The following SUGP1 variants were observed in gnomAD, a reference collection of about 807,000 sequenced individuals.
SUGP1 encodes SURP and G-patch domain containing 1, also known as SURP and G-patch domain-containing protein 1.
A neutral mutation model predicts 76.5 loss-of-function variants in SUGP1; 34 were observed. The ratio of observed to expected loss-of-function variants is 0.44; its 90% confidence interval spans 0.34 to 0.59. SUGP1 has a LOEUF of 0.59. Among genes scored for constraint, SUGP1 ranks in the 20% least tolerant of loss-of-function variants. The pLI is 0.01. For synonymous variants in SUGP1, 326 were observed against 326.2 expected (o/e 1.00, Z 0.01); for missense variants, 752 against 851.7 (o/e 0.88, Z 1.46).
intron 12 of SUGP1, among the ~76,000 whole-genome samples, 175 bp from the exon 13 acceptor site, chr19:19,277,251 CG>C (rs3214183): frequency 0.011 from 1,073 of 96,700 alleles, 2 homozygotes; most frequent in Middle Eastern, 0.018. Flanking sequence ...CCGGGGCGGG[CG>C]GGGGGGGGGG....
intron 12 of SUGP1, 46 bp from the exon 13 acceptor site, chr19:19,277,122 TGGCCGGGG>T (rs1334547336): frequency 6.3e-7 from 1 of 1,577,422 alleles, no homozygotes; most frequent in South Asian, 1.1e-5. Context: ...GCCAGAACTC[TGGCCGGGG>T]GGCCGGGCAC....
At chr19:19,286,904 G>T (rs554048191) in intron 8 of SUGP1, among the ~76,000 whole-genome samples, 7 of 151,892 alleles carry the variant, frequency 4.6e-5, no homozygotes, top group Non-Finnish European at 7.4e-5. Context: ...CTAGCTGGCC[G>T]TGGTGGCACA....
intron 1 of SUGP1, among the ~76,000 whole-genome samples, chr19:19,317,567 G>A (rs909174629): frequency 6.6e-6 from 1 of 152,138 alleles, no homozygotes; most frequent in East Asian, 1.9e-4. Context: ...TCTCAGGCTG[G>A]AGTGCAGTGG....
chr19:19,289,485 C>T (rs1187860427), intron 8 of SUGP1, among the ~76,000 whole-genome samples: 1 of 152,072 alleles, frequency 6.6e-6, no homozygotes, highest in African/African-American at 2.4e-5. Context: ...TGGTGGCTCA[C>T]GCCTGTAATC....
At chr19:19,304,961 GCAGA>G (rs1236777627) in intron 4 of SUGP1, among the ~76,000 whole-genome samples, 5 of 152,184 alleles carry the variant, frequency 3.3e-5, no homozygotes, top group African/African-American at 1.2e-4. Context: ...CTGAGGCCAT[GCAGA>G]CAGTGGGTCA....
At chr19:19,313,465 C>T (rs745850498) in intron 2 of SUGP1, among the ~76,000 whole-genome samples, 21 of 152,112 alleles carry the variant, frequency 1.4e-4, no homozygotes, top group Non-Finnish European at 1.9e-4. Flanking sequence ...AAACCTAATG[C>T]TTTGGGAGGC....
chr19:19,281,550 C>A (rs376070818), intron 8 of SUGP1: 13 of 152,136 alleles, frequency 8.5e-5, no homozygotes, highest in Admixed American at 7.2e-4. Flanking sequence ...CTGAATTGGA[C>A]GAGCAGGTCC....
Position 19,276,271 on chromosome 19 carries a change from A to C in SUGP1, c.*377T>G, listed in dbSNP as rs2061048783. 4.9e-6 allele frequency: 1 copy of C among 205,514 alleles called. No homozygotes were observed. The highest frequency in any genetic ancestry group is 1.0e-5 in the Non-Finnish European group (1 of 100,066). 12.7% of individuals were successfully genotyped at this position (205,514 alleles called of 1,614,324 possible). ...TCACCATGTTGGCCAGGCTGGTCTT[A>C]AACTCCTGACCTCCAGTGATCCGCC... On this transcript the variant is annotated 3_prime_UTR_variant, in exon 14 of 14. Coordinates refer to ENST00000247001, the MANE Select transcript of SUGP1 (RefSeq NM_172231.4).
chr19:19,294,143 T>A (rs191415410), intron 8 of SUGP1, among the ~76,000 whole-genome samples: 1 of 151,640 alleles, frequency 6.6e-6, no homozygotes, highest in Non-Finnish European at 1.5e-5. Flanking sequence ...GCTGTCATCA[T>A]GCCACGGCAC....
chr19:19,279,522 G>C, intron 9 of SUGP1, 132 bp from the exon 10 acceptor site: 2 of 965,148 alleles, frequency 2.1e-6, no homozygotes, highest in Non-Finnish European at 3.0e-6. Context: ...GGCAGGACTG[G>C]AGCAAGGACT....
intron 8 of SUGP1, among the ~76,000 whole-genome samples, chr19:19,286,677 G>A (rs1182398899): frequency 6.6e-6 from 1 of 152,090 alleles, no homozygotes; most frequent in Non-Finnish European, 1.5e-5. Flanking sequence ...GAGACCAGGA[G>A]TTTGAGTCCA....
chr19:19,279,521 G>A, intron 9 of SUGP1, 131 bp from the exon 10 acceptor site: 1 of 991,400 alleles, frequency 1.0e-6, no homozygotes, highest in Non-Finnish European at 1.5e-6. Context: ...GGGCAGGACT[G>A]GAGCAAGGAC....
chr19:19,311,979 T>C (rs1327766555), intron 2 of SUGP1, among the ~76,000 whole-genome samples: 1 of 150,636 alleles, frequency 6.6e-6, no homozygotes, highest in African/African-American at 2.4e-5. Context: ...TCATGTTTCT[T>C]AAAACAAAAA....
At chr19:19,307,561 G>A (rs544848675) in intron 3 of SUGP1, among the ~76,000 whole-genome samples, 13 of 152,108 alleles carry the variant, frequency 8.5e-5, no homozygotes, top group Non-Finnish European at 1.5e-4. Context: ...CACACTGCTT[G>A]ACTGAGAGGA....
intron 8 of SUGP1, among the ~76,000 whole-genome samples, chr19:19,294,435 G>T (rs1487505237): frequency 6.8e-6 from 1 of 146,170 alleles, no homozygotes; most frequent in African/African-American, 2.6e-5. Context: ...GAGGTGGGAA[G>T]ACCACTTGAG....
chr19:19,318,179 G>A (rs1432297409), intron 1 of SUGP1, among the ~76,000 whole-genome samples: 4 of 133,074 alleles, frequency 3.0e-5, no homozygotes, highest in African/African-American at 5.8e-5. Flanking sequence ...GTGCAATGGC[G>A]CGATCTTGGC....
intron 8 of SUGP1, among the ~76,000 whole-genome samples, chr19:19,286,543 C>T (rs1051615623): frequency 3.9e-5 from 6 of 152,008 alleles, no homozygotes; most frequent in Admixed American, 1.3e-4. Context: ...ACAGCAAAAA[C>T]GGGTAGAGGG....
chr19:19,316,778 G>A (rs1039602742), intron 1 of SUGP1, among the ~76,000 whole-genome samples, 185 bp from the exon 2 acceptor site: 3 of 152,154 alleles, frequency 2.0e-5, no homozygotes, highest in African/African-American at 4.8e-5. Context: ...TGCTATGCAA[G>A]AGAACACAGG....
In SUGP1 at chr19:19,276,617, G is replaced by C. The variant is rs1408696154; in HGVS notation, c.*31C>G. On this transcript the variant is annotated 3_prime_UTR_variant, in exon 14 of 14. Coordinates refer to ENST00000247001, the MANE Select transcript of SUGP1 (RefSeq NM_172231.4). ...ACATTCCACAGTCCAGGGACGGTTG[G>C]TCATTCAGAAAGTATGTATTTCCAG... The C allele has an allele frequency of 6.2e-7, 1 of 1,613,824 alleles. No homozygotes were observed. Among genetic ancestry groups the C allele is most frequent in the African/African-American group, 1.3e-5 (1 of 74,920 alleles).
Sources: allele counts gnomAD v4.1 joint callset (sites outside exome capture counted in the v4.1 genomes callset), GRCh38; gene constraint gnomAD v4.1.1; transcripts MANE v1.5; gene names NCBI Gene and HGNC (gene_info 2026-07-23, HGNC 2026-07-21).